The following WDR20 variants were observed in gnomAD, a reference collection of about 807,000 sequenced individuals.
WDR20 encodes the protein WD repeat-containing protein 20.
A neutral mutation model predicts 38.7 loss-of-function variants in WDR20; 3 were observed. The ratio of observed to expected loss-of-function variants is 0.08; its 90% confidence interval spans 0.04 to 0.20. The LOEUF (loss-of-function observed/expected upper bound fraction) is 0.20, where lower values mean the gene tolerates loss of function less well. Among genes scored for constraint, WDR20 ranks in the 10% least tolerant of loss-of-function variants. The pLI, the probability that WDR20 is intolerant of heterozygous loss-of-function variation, is 1.00. For missense variants in WDR20, 559 were observed against 727.7 expected (o/e 0.77, Z 2.67); for synonymous variants, 298 against 285.6 (o/e 1.04, Z -0.44).
intron 1 of WDR20, among the ~76,000 whole-genome samples, chr14:102,145,091 G>A (rs1221307501): frequency 6.6e-6 from 1 of 152,142 alleles, no homozygotes; most frequent in African/African-American, 2.4e-5. Flanking sequence ...TTAGAATAGG[G>A]ACATTATCTT....
exon 4 of WDR20, chr14:102,223,222 G>T (rs897071208): frequency 1.3e-5 from 2 of 155,972 alleles, no homozygotes; most frequent in African/African-American, 4.8e-5. Context: ...TCTTGGACAA[G>T]AAATCCCCTG....
chr14:102,224,154 G>T (rs527261381), downstream of WDR20, among the ~76,000 whole-genome samples: 3,476 of 147,274 alleles, frequency 0.024, 52 homozygotes, highest in Non-Finnish European at 0.039. Flanking sequence ...CCATTCTCCC[G>T]CCTCAGCCTC....
At chr14:102,182,258 C>T (rs2063529242) in intron 1 of WDR20, among the ~76,000 whole-genome samples, 1 of 152,148 alleles carries the variant, frequency 6.6e-6, no homozygotes, top group African/African-American at 2.4e-5. Flanking sequence ...TCTTTATTTG[C>T]CACTGTAGCA....
intron 1 of WDR20, among the ~76,000 whole-genome samples, chr14:102,177,007 C>T (rs954884013): frequency 1.3e-5 from 2 of 152,112 alleles, no homozygotes; most frequent in East Asian, 1.9e-4. Flanking sequence ...GGATTACAGG[C>T]GTAAGCCACC....
At chr14:102,178,446 C>T (rs545919011) in intron 1 of WDR20, among the ~76,000 whole-genome samples, 2 of 151,986 alleles carry the variant, frequency 1.3e-5, no homozygotes, top group African/African-American at 4.8e-5. Context: ...TCAGTGAGTT[C>T]CTTGTAGGAA....
intron 2 of WDR20, among the ~76,000 whole-genome samples, chr14:102,204,151 C>T (rs1416543803): frequency 6.6e-6 from 1 of 152,136 alleles, no homozygotes; most frequent in Non-Finnish European, 1.5e-5. Context: ...GAACGGGAGA[C>T]AGCATGCTCG....
At chr14:102,195,894 G>A (rs1466669342) in intron 2 of WDR20, 1 of 152,172 alleles carries the variant, frequency 6.6e-6, no homozygotes, top group Non-Finnish European at 1.5e-5. Flanking sequence ...CTACCAAGTG[G>A]AAAAGATAAG....
chr14:102,203,878 T>C (rs1285089287), intron 2 of WDR20, among the ~76,000 whole-genome samples: 1 of 152,212 alleles, frequency 6.6e-6, no homozygotes, highest in Non-Finnish European at 1.5e-5. Context: ...GTGCAGAAAC[T>C]GGACTGCATA....
At chr14:102,145,956 A>G (rs773042985) in intron 1 of WDR20, among the ~76,000 whole-genome samples, 4 of 151,696 alleles carry the variant, frequency 2.6e-5, no homozygotes, top group Non-Finnish European at 5.9e-5. Context: ...AGGTTTTTCC[A>G]TCTCTAAAGC....
intron 1 of WDR20, among the ~76,000 whole-genome samples, chr14:102,143,788 C>T (rs1371700123): frequency 5.3e-5 from 8 of 151,910 alleles, no homozygotes; most frequent in African/African-American, 1.9e-4. Flanking sequence ...CGTGATCCAC[C>T]CTCCTCGGCC....
chr14:102,176,492 A>C (rs1160427430), intron 1 of WDR20, among the ~76,000 whole-genome samples: 1 of 152,158 alleles, frequency 6.6e-6, no homozygotes, highest in South Asian at 2.1e-4. Flanking sequence ...AGGTCAAGAA[A>C]TCGAGACTAT....
chr14:102,188,938 A>G lies in WDR20; in HGVS notation c.250-6000A>G, dbSNP rs142645439. ...ATGAAAAGTCTAAGGAAGGCCAGGT[A>G]TGATGGCTCATGCCTGTAATCCCAC... On this transcript the variant is annotated intron_variant, in intron 1 of 2. Coordinates refer to ENST00000342702, the MANE Select transcript of WDR20 (RefSeq NM_144574.4). Among the ~76,000 whole-genome samples the G allele has an allele frequency of 4.5e-3, 685 of 151,130 alleles. 6 individuals carry two copies. Among genetic ancestry groups the G allele is most frequent in the African/African-American group, 0.015 (632 of 41,118 alleles).
chr14:102,149,240 A>C (rs2054854839), intron 1 of WDR20, among the ~76,000 whole-genome samples: 1 of 152,182 alleles, frequency 6.6e-6, no homozygotes, highest in African/African-American at 2.4e-5. Context: ...TGTGTTGCCT[A>C]GTCTGACCTT....
intron 1 of WDR20, among the ~76,000 whole-genome samples, chr14:102,164,589 C>G (rs148578705): frequency 6.6e-6 from 1 of 152,112 alleles, no homozygotes; most frequent in East Asian, 1.9e-4. Flanking sequence ...GTTGCCAGAT[C>G]CATTGGACAC....
chr14:102,176,780 C>T (rs2062204505), intron 1 of WDR20, among the ~76,000 whole-genome samples: 3 of 151,968 alleles, frequency 2.0e-5, no homozygotes, highest in Admixed American at 2.0e-4. Context: ...GTCTCCCAGG[C>T]TGGAGTGCAG....
downstream of WDR20, chr14:102,215,086 C>T: frequency 2.6e-6 from 2 of 769,516 alleles, no homozygotes; most frequent in Non-Finnish European, 3.2e-6. Context: ...TTTTTAAATG[C>T]TGTAAAATTA....
chr14:102,150,084 G>A (rs2055223621), intron 1 of WDR20, among the ~76,000 whole-genome samples: 1 of 152,138 alleles, frequency 6.6e-6, no homozygotes, highest in South Asian at 2.1e-4. Flanking sequence ...ATCTTGCTTT[G>A]TATCAATAGG....
Position 102,140,043 on chromosome 14 carries a change from C to G in WDR20, c.120C>G (p.Phe40Leu). ...SEYSRPNRVP[F>L]NSQGSNPVRV... ...ACAGCCGGCCCAACCGGGTGCCCTTCAACTCGCAGGGATCCAACCCTGTCC... is the reference window on the plus strand; with the variant it reads ...ACAGCCGGCCCAACCGGGTGCCCTTGAACTCGCAGGGATCCAACCCTGTCC... Residue 40 changes from phenylalanine to leucine, a missense_variant, in exon 1 of 3, where the codon TTC becomes TTG. Phe to Leu is a conservative substitution (Grantham distance 22). Coordinates refer to ENST00000342702, the MANE Select transcript of WDR20 (RefSeq NM_144574.4). The G allele has an allele frequency of 6.2e-7, 1 of 1,614,246 alleles. No homozygotes were observed. The highest frequency in any genetic ancestry group is 8.5e-7 in the Non-Finnish European group (1 of 1,180,042).
upstream of WDR20, chr14:102,139,754 C>G: frequency 1.0e-6 from 1 of 1,005,022 alleles, no homozygotes; most frequent in South Asian, 1.6e-5. Flanking sequence ...GCAGTCGGGC[C>G]GTAAACAAGC....
Sources: allele counts gnomAD v4.1 joint callset (sites outside exome capture counted in the v4.1 genomes callset), GRCh38; gene constraint gnomAD v4.1.1; transcripts MANE v1.5; gene names NCBI Gene and HGNC (gene_info 2026-07-23, HGNC 2026-07-21).